Variants in PCNT observed in about 807,000 individuals in gnomAD.
The protein encoded by PCNT is pericentrin.
In PCNT, 319 loss-of-function variants were observed where a neutral mutation model predicts 380.4. The ratio of observed to expected loss-of-function variants is 0.84; its 90% CI spans 0.77 to 0.92. The LOEUF is 0.92. PCNT is among the 40% of genes least tolerant of loss of function. The probability of loss-of-function intolerance (pLI) is 0.00; values close to 1 mark genes in which losing one functional copy is unlikely to be tolerated. For missense variants in PCNT, 4,400 were observed against 4,255.3 expected, an observed-to-expected ratio of 1.03 and a Z score of -0.95; for synonymous variants, 1,845 against 1,735.2, an observed-to-expected ratio of 1.06 and a Z score of -1.57.
At position 46,425,399 on chromosome 21, in the gene PCNT, G is replaced by T. The variant is rs575777858; in HGVS notation, c.7180-432G>T. Among the ~76,000 whole-genome samples, 5 of 152,340 alleles carry T rather than the reference G, an allele frequency of 3.3e-5. No individual in the cohort carries two copies. In the East Asian group the frequency reaches 9.6e-4, roughly 29 times the overall value. ...CCGGACCACGCACAGAGGCCTCCTGGGTGGCCATCGTGTGGCCTTCTCGTA... is the reference window on the plus strand; with the variant it reads ...CCGGACCACGCACAGAGGCCTCCTGTGTGGCCATCGTGTGGCCTTCTCGTA... On this transcript the variant is annotated intron_variant, in intron 32 of 46. Transcript: ENST00000359568. This position sits in a 1 kb window ranked among gnomAD's most constrained non-coding sequence, Gnocchi z 4.2.
At chr21:46,332,053 G>A (rs940140594) in intron 2 of PCNT, among the ~76,000 whole-genome samples, 9 of 152,090 alleles carry the variant, frequency 5.9e-5, no homozygotes, top group Non-Finnish European at 8.8e-5. Context: ...CCAGGTACTC[G>A]GGAGGCTGAG....
intron 15 of PCNT, 57 bp downstream of exon 15, chr21:46,367,196 G>A (rs2084958933): frequency 6.9e-7 from 1 of 1,451,818 alleles, no homozygotes; most frequent in African/African-American, 1.4e-5. Context: ...CTGCCTGTGT[G>A]TTTCCACCGC....
At chr21:46,413,880 T>C (rs2086903015) in intron 29 of PCNT, among the ~76,000 whole-genome samples, 1 of 152,150 alleles carries the variant, frequency 6.6e-6, no homozygotes, top group Non-Finnish European at 1.5e-5. Context: ...CTGGTGCTTC[T>C]CCCACCCAGT....
Position 46,411,245 on chromosome 21 carries a change from G to T in PCNT, c.5172G>T (p.Leu1724=), listed in dbSNP as rs2086773953. ...AGCTGAAAGCCACTATTGAAAATCTGCAAGAGAATCAGAAACGATTACAAA... is the reference window on the plus strand; with the variant it reads ...AGCTGAAAGCCACTATTGAAAATCTTCAAGAGAATCAGAAACGATTACAAA... ...IEELKATIEN[L]QENQKRLQKE... The change falls in exon 28 of 47, where the codon CTG becomes CTT. Residue 1724 remains leucine, a synonymous_variant. Transcript: ENST00000359568. 3 of 1,614,166 alleles carry T rather than the reference G, an allele frequency of 1.9e-6. 1 individual carries two copies. The highest frequency in any genetic ancestry group is 2.2e-5 in the East Asian group (1 of 44,886).
chr21:46,346,279 G>A lies in PCNT; in HGVS notation c.720+71G>A, dbSNP rs549595765. On this transcript the variant is annotated intron_variant, in intron 4 of 46. Coordinates refer to ENST00000359568, the MANE Select transcript of PCNT (RefSeq NM_006031.6). ...TCCCCACAGGGCACAGTGGGCATCC[G>A]GGTGGGGGTGGGGTGGGCGCTGCCA... The A allele has an allele frequency of 1.5e-4, 110 of 750,368 alleles. No homozygotes were observed. In the African/African-American group the frequency reaches 1.6e-3, roughly 11 times the overall value. 46.5% of individuals were successfully genotyped at this position (750,368 alleles called of 1,614,324 possible).
chr21:46,350,598 G>A (rs904843844), intron 8 of PCNT, among the ~76,000 whole-genome samples: 5 of 152,126 alleles, frequency 3.3e-5, no homozygotes, highest in Admixed American at 2.6e-4. Flanking sequence ...ATCGTGGTGT[G>A]TGAAAGATTT....
intron 15 of PCNT, among the ~76,000 whole-genome samples, chr21:46,369,909 C>G (rs2085056812): frequency 6.6e-6 from 1 of 152,188 alleles, no homozygotes; most frequent in Admixed American, 6.5e-5. Context: ...TGTACGCTGC[C>G]AAGATGCAGG....
rs779531620 is a variant in PCNT, at chr21:46,346,728, T to C, written c.721-15T>C. The C allele has an allele frequency of 1.3e-6, 2 of 1,590,916 alleles. No individual in the cohort carries two copies. Among genetic ancestry groups the C allele is most frequent in the Non-Finnish European group, 1.7e-6 (2 of 1,170,162 alleles). On this transcript the variant is annotated splice_polypyrimidine_tract_variant and intron_variant, in intron 4 of 46. Transcript: ENST00000359568. ...TGACCATGGGCCCTTATCAGAGGCC[T>C]TTTCTCCGCCGCAGGCCGTGCATGG...
At chr21:46,360,303 A>G (rs1449610852) in intron 13 of PCNT, among the ~76,000 whole-genome samples, 1 of 141,958 alleles carries the variant, frequency 7.0e-6, no homozygotes, top group East Asian at 2.1e-4. Context: ...GCTCACTGCA[A>G]CCTCTGCCTC....
chr21:46,417,465 T>TA (rs1334469863), intron 30 of PCNT, among the ~76,000 whole-genome samples: 1 of 152,160 alleles, frequency 6.6e-6, no homozygotes, highest in Non-Finnish European at 1.5e-5. Flanking sequence ...GTGCTGGGCT[T>TA]ACAGGCGTGA....
rs1244308282 is a variant in PCNT, at chr21:46,334,766, A to G, written c.637A>G (p.Lys213Glu). ...HPAEQRGMFT[K>E]ECEQECELAI... ...AGCAGAACAGCGTGGGATGTTCACA[A>G]AGGTATTCTTTAAGTTCTCTGTTAA... The change falls in exon 3 of 47, where the codon AAG becomes GAG. Residue 213 changes from lysine (K) to glutamate (E), a missense_variant and splice_region_variant. By Grantham distance (56) the Lys-to-Glu change is moderately conservative. Transcript: ENST00000359568. 1.9e-6 allele frequency: 3 copies of G among 1,614,218 alleles called. No individual in the cohort carries two copies. Among genetic ancestry groups the G allele is most frequent in the Admixed American group, 1.7e-5 (1 of 60,032 alleles).
Position 46,411,291 on chromosome 21 carries a change from G to C in PCNT, c.5218G>C (p.Glu1740Gln). The C allele has an allele frequency of 6.2e-7, 1 of 1,614,174 alleles. No homozygotes were observed. The highest frequency in any genetic ancestry group is 1.1e-5 in the South Asian group (1 of 91,062). The change falls in exon 28 of 47, where the codon GAA (glutamate) becomes CAA (glutamine). Residue 1740 changes from glutamate to glutamine, a missense_variant. Coordinates refer to ENST00000359568, the MANE Select transcript of PCNT (RefSeq NM_006031.6). Reference protein sequence around the residue: ...RLQKEKAEEIEQLHEVIEKLQ... With the variant: ...RLQKEKAEEIQQLHEVIEKLQ... ...ACAAAAGGAGAAAGCAGAGGAAATT[G>C]AACAACTCCATGAAGTCATTGAGAA...
At chr21:46,434,182 A>G (rs2087874482) in intron 38 of PCNT, among the ~76,000 whole-genome samples, 1 of 152,260 alleles carries the variant, frequency 6.6e-6, no homozygotes, top group South Asian at 2.1e-4. Flanking sequence ...GCTGGATACA[A>G]TTCCATCTTT....
chr21:46,353,314 C>G lies in PCNT; in HGVS notation c.1667C>G (p.Ser556Cys). 6.2e-7 allele frequency: 1 copy of G among 1,613,968 alleles called. No homozygotes were observed. The highest frequency in any genetic ancestry group is 1.1e-5 in the South Asian group (1 of 91,084). ...GCGAGGGAAGATGCTCTTCTGGACT[C>G]TGTGGAAGTTGGGTAAGCAAAGCAG... ...QGAREDALLD[S>C]VEVGLSCVGL... Residue 556 changes from serine to cysteine, a missense_variant, in exon 10 of 47, where the codon TCT becomes TGT. Coordinates refer to ENST00000359568, the MANE Select transcript of PCNT (RefSeq NM_006031.6).
In PCNT at chr21:46,367,063, T is replaced by C. The variant is rs2084953992; in HGVS notation, c.3089T>C (p.Val1030Ala). The C allele has an allele frequency of 6.2e-7, 1 of 1,613,822 alleles. No individual in the cohort carries two copies. The highest frequency in any genetic ancestry group is 8.5e-7 in the Non-Finnish European group (1 of 1,180,024). The change falls in exon 15 of 47, where the codon GTG (valine) becomes GCG (alanine). Residue 1030 changes from valine to alanine, a missense_variant. Transcript: ENST00000359568. ...KRKHEGELQSVRDHLRTEVST... is the reference protein window; with the variant it reads ...KRKHEGELQSARDHLRTEVST... ...AAACACGAAGGGGAGCTACAGTCTG[T>C]GCGGGACCACCTGCGAACCGAAGTG...
At chr21:46,395,691 C>CTAA (rs1170060117) in intron 21 of PCNT, among the ~76,000 whole-genome samples, 1 of 151,718 alleles carries the variant, frequency 6.6e-6, no homozygotes, top group Non-Finnish European at 1.5e-5. Context: ...AGCAGACACT[C>CTAA]CATCTCAGAA....
At chr21:46,396,731 G>A (rs1421087023) in intron 21 of PCNT, among the ~76,000 whole-genome samples, 1 of 152,166 alleles carries the variant, frequency 6.6e-6, no homozygotes, top group Non-Finnish European at 1.5e-5. Flanking sequence ...AGCCTCCCGA[G>A]TAGCTGGGAT....
rs749285462 is a variant in PCNT, at chr21:46,430,492, G to A, written c.7914-15G>A. Reference sequence around the variant, plus strand: ...GGCCCACGTGGTCAGATTGTTCTGCGATGTCTCCACGCAGATCCATGCTGA... The same window carrying A: ...GGCCCACGTGGTCAGATTGTTCTGCAATGTCTCCACGCAGATCCATGCTGA... On this transcript the variant is annotated splice_polypyrimidine_tract_variant and intron_variant, in intron 36 of 46. Transcript: ENST00000359568. 21 of 1,550,116 alleles carry A rather than the reference G, an allele frequency of 1.4e-5. No individual in the cohort carries two copies. The South Asian group carries it at 2.3e-4, about 17-fold the overall frequency.
At position 46,388,724 on chromosome 21, in the gene PCNT, G is replaced by A. The variant is rs1482714320; in HGVS notation, c.3465-18G>A. On this transcript the variant is annotated intron_variant, in intron 17 of 46. Coordinates refer to ENST00000359568, the MANE Select transcript of PCNT (RefSeq NM_006031.6). This position sits in a 1 kb window ranked among gnomAD's most constrained non-coding sequence, Gnocchi z 4.2. ...TGCCGTGACCAGCTTGCCTGATGAT[G>A]GGTGTCTCCTGTCTCAGAGGGGCCC... 1.2e-6 allele frequency: 2 copies of A among 1,613,394 alleles called. No homozygotes were observed. The highest frequency in any genetic ancestry group is 1.7e-6 in the Non-Finnish European group (2 of 1,179,970).
Sources: gnomAD v4.1 joint callset for allele counts (sites outside exome capture counted in the v4.1 genomes callset) on GRCh38, gnomAD v4.1.1 for gene constraint, Gnocchi (gnomAD v3.1) non-coding constraint, MANE v1.5 for transcripts, NCBI Gene and HGNC (gene_info 2026-07-23, HGNC 2026-07-21) for gene names.